Variants in MGAM observed in about 807,000 individuals in gnomAD.
MGAM encodes alpha-1,4-glucosidase.
In MGAM, 253 loss-of-function variants were observed where a neutral mutation model predicts 358.8. That is an observed-to-expected ratio of 0.71 (90% CI 0.64 to 0.78). The LOEUF (loss-of-function observed/expected upper bound fraction) is 0.78. Ranked by LOEUF, MGAM falls within the 30% of genes least tolerant of loss-of-function variation. The pLI is 0.00. For missense variants in MGAM, 3,080 were observed against 3,432.6 expected (o/e 0.90, Z 2.57); for synonymous variants, 1,105 against 1,227.1 (o/e 0.90, Z 2.08).
intron 42 of MGAM, among the ~76,000 whole-genome samples, chr7:142,067,986 A>ATTTT (rs71913806): frequency 8.1e-4 from 7 of 8,692 alleles, no homozygotes; most frequent in African/African-American, 1.2e-3. Flanking sequence ...ATATATATAT[A>ATTTT]TTTTTTTTTT....
intron 21 of MGAM, among the ~76,000 whole-genome samples, chr7:142,041,235 T>A (rs11763459): frequency 6.6e-6 from 1 of 151,942 alleles, no homozygotes; most frequent in Non-Finnish European, 1.5e-5. Flanking sequence ...TTCCTTTATA[T>A]GTAATTGATT....
At chr7:142,088,700 A>G (rs2129056790) in intron 57 of MGAM, among the ~76,000 whole-genome samples, 1 of 136,674 alleles carries the variant, frequency 7.3e-6, no homozygotes, top group East Asian at 2.2e-4. Context: ...CTATCTATCC[A>G]TCCAGCCACC....
chr7:142,065,524 A>G lies in MGAM; in HGVS notation c.4618+56A>G, dbSNP rs548509560. The G allele has an allele frequency of 1.2e-5, 20 of 1,613,894 alleles. No homozygotes were observed. The African/African-American group carries it at 2.1e-4, about 17-fold the overall frequency. Reference sequence around the variant, plus strand: ...GACAGGGCAGGGAGTTGGGATCCTTAGGGAAGAGGTGAGGAGGCAGATCAT... The same window carrying G: ...GACAGGGCAGGGAGTTGGGATCCTTGGGGAAGAGGTGAGGAGGCAGATCAT... On this transcript the variant is annotated intron_variant, in intron 38 of 70. Transcript: ENST00000475668.
intron 45 of MGAM, among the ~76,000 whole-genome samples, chr7:142,075,748 A>C (rs2097853115): frequency 6.8e-6 from 1 of 146,072 alleles, no homozygotes; most frequent in African/African-American, 2.4e-5. Flanking sequence ...GTCACCTCAC[A>C]CCTGTTAGCA....
At position 142,030,484 on chromosome 7, in the gene MGAM, C is replaced by A; in HGVS notation, c.1344C>A (p.Val448=). Residue 448 remains valine (V), a synonymous_variant, in exon 11 of 71, where the codon GTC becomes GTA. Transcript: ENST00000475668. ...TACACAATAATGGACAGAAGCTTGT[C>A]ATCATTGTGGTATGTACTGCCCTCT... ...NELHNNGQKL[V]IIVDPAISNN... is the part of the protein sequence containing the mutation. 1.2e-6 allele frequency: 2 copies of A among 1,613,568 alleles called. No homozygotes were observed. The highest frequency in any genetic ancestry group is 2.2e-5 in the South Asian group (2 of 91,048).
intron 1 of MGAM, among the ~76,000 whole-genome samples, chr7:141,999,546 A>G (rs1554450025): frequency 6.6e-6 from 1 of 152,216 alleles, no homozygotes; most frequent in Non-Finnish European, 1.5e-5. Flanking sequence ...AAGTGAGGAT[A>G]GTAGCCATGA....
At chr7:142,096,463 T>C in intron 65 of MGAM, 48 bp downstream of exon 65, 1 of 1,596,240 alleles carries the variant, frequency 6.3e-7, no homozygotes, top group Non-Finnish European at 8.6e-7. Flanking sequence ...CTGTGAGGCT[T>C]GGGGAAAAGG....
intron 8 of MGAM, among the ~76,000 whole-genome samples, chr7:142,026,911 G>A (rs559951215): frequency 1.5e-4 from 23 of 152,160 alleles, no homozygotes; most frequent in Non-Finnish European, 2.9e-4. Flanking sequence ...ATTAAAATCT[G>A]TCACAGAAAA....
intron 30 of MGAM, among the ~76,000 whole-genome samples, 158 bp downstream of exon 30, chr7:142,057,100 C>T (rs1811627362): frequency 6.6e-6 from 1 of 152,120 alleles, no homozygotes; most frequent in Non-Finnish European, 1.5e-5. Context: ...TTCTAATTAT[C>T]ATTAAATTTA....
At chr7:142,038,500 A>T (rs764041487) in intron 18 of MGAM, 31 bp from the exon 19 acceptor site, 3 of 1,549,368 alleles carry the variant, frequency 1.9e-6, no homozygotes, top group Non-Finnish European at 2.6e-6. Context: ...CAGTGGCTCA[A>T]ATCTCAGTGA....
intron 3 of MGAM, among the ~76,000 whole-genome samples, chr7:142,017,085 T>C (rs1229955413): frequency 6.6e-6 from 1 of 152,212 alleles, no homozygotes; most frequent in Admixed American, 6.5e-5. Flanking sequence ...TTGTGCCTTC[T>C]CTTCATCCTG....
rs760886558 is a variant in MGAM, at chr7:142,080,829, C to G, written c.5886C>G (p.Val1962=). ...ACAACAATCGGTATGAAGTTCCAGT[C>G]CCTCTGAACATACCCAGCGTGCCAT... ...DPNNNRYEVP[V]PLNIPSVPSS... The change falls in exon 50 of 71, where the codon GTC becomes GTG. Residue 1962 remains valine, a synonymous_variant. Transcript: ENST00000475668. The G allele has an allele frequency of 1.3e-6, 2 of 1,556,084 alleles. No individual in the cohort carries two copies. Among genetic ancestry groups the G allele is most frequent in the Non-Finnish European group, 1.8e-6 (2 of 1,132,298 alleles).
intron 1 of MGAM, among the ~76,000 whole-genome samples, chr7:141,998,872 A>G (rs1165613286): frequency 6.6e-6 from 1 of 152,190 alleles, no homozygotes; most frequent in African/African-American, 2.4e-5. Flanking sequence ...CACTCCCAAC[A>G]GTGTAAAAGC....
At chr7:142,065,259 G>A in intron 37 of MGAM, 76 bp from the exon 38 acceptor site, 2 of 1,552,444 alleles carry the variant, frequency 1.3e-6, no homozygotes, top group South Asian at 2.4e-5. Context: ...AGGCTCAAGG[G>A]CTCTGGGAGC....
At chr7:142,044,439 T>A (rs1344234447) in intron 21 of MGAM, among the ~76,000 whole-genome samples, 1 of 138,882 alleles carries the variant, frequency 7.2e-6, no homozygotes, top group Non-Finnish European at 1.5e-5. Flanking sequence ...ACGATATATA[T>A]AATGAATATT....
At position 142,037,787 on chromosome 7, in the gene MGAM, A is replaced by G. The variant is rs149941102; in HGVS notation, c.2232-744A>G. On this transcript the variant is annotated intron_variant, in intron 18 of 70. Coordinates refer to ENST00000475668, the MANE Select transcript of MGAM (RefSeq NM_001365693.1). ...ATTTTTGTTGGTACATAGTAGTTGC[A>G]TATATTTATGGGGTATATGAGATGT... 7.9e-4 allele frequency among the ~76,000 whole-genome samples: 121 copies of G among 152,292 alleles called. No individual in the cohort carries two copies. The East Asian group carries it at 0.014, about 18-fold the overall frequency.
Position 142,050,613 on chromosome 7 carries a change from G to T in MGAM, c.2638-84G>T, listed in dbSNP as rs1285792539. The stretch of plus-strand genomic sequence containing the variant: ...CATTTATGGCAGTGGGGGGTATCCG[G>T]TCTGGAATGGAATATTTGAGTGACT... On this transcript the variant is annotated intron_variant, in intron 23 of 70. Transcript: ENST00000475668. 7.9e-6 allele frequency: 11 copies of T among 1,389,334 alleles called. No homozygotes were observed. In the Admixed American group the frequency reaches 2.1e-4, roughly 26 times the overall value. The allele number at this position is 1,389,334 out of a possible 1,614,324, so 86.1% of individuals were successfully genotyped here. A position where few individuals can be genotyped will look rare whatever the true frequency, so the allele number is the denominator to read the frequency against.
At chr7:142,088,964 C>CTATGTATGTATGTATGTATG (rs57009731) in intron 57 of MGAM, among the ~76,000 whole-genome samples, 1 of 116,742 alleles carries the variant, frequency 8.6e-6, no homozygotes, top group African/African-American at 3.0e-5. Context: ...TCATCTATCT[C>CTATGTATGTATGTATGTATG]TATGTATGTA....
intron 3 of MGAM, among the ~76,000 whole-genome samples, chr7:142,015,953 T>C (rs1805929789): frequency 6.6e-6 from 1 of 152,168 alleles, no homozygotes; most frequent in Non-Finnish European, 1.5e-5. Flanking sequence ...TTTCTATTAT[T>C]AAAGGATCTC....
Sources: allele counts gnomAD v4.1 joint callset (sites outside exome capture counted in the v4.1 genomes callset), GRCh38; gene constraint gnomAD v4.1.1; transcripts MANE v1.5; gene names NCBI Gene and HGNC (gene_info 2026-07-23, HGNC 2026-07-21).